Variants in FCHO1 observed in about 807,000 individuals in gnomAD.
The protein encoded by FCHO1 is F-BAR domain only protein 1.
A neutral mutation model predicts 114.4 loss-of-function variants in FCHO1; 45 were observed. That is an observed-to-expected ratio of 0.39 (90% confidence interval 0.31 to 0.50). FCHO1 has a LOEUF of 0.50. Ranked by LOEUF, FCHO1 falls within the 20% of genes least tolerant of loss-of-function variation. FCHO1 has a pLI of 0.77. For missense variants in FCHO1, 1,042 were observed against 1,209.6 expected, an observed-to-expected ratio of 0.86 and a Z score of 2.06; for synonymous variants, 480 against 488.9, an observed-to-expected ratio of 0.98 and a Z score of 0.24.
In FCHO1 at chr19:17,775,979, C is replaced by T; in HGVS notation, c.1004-4C>T. 1 of 1,605,702 alleles carries T rather than the reference C, an allele frequency of 6.2e-7. No homozygotes were observed. The highest frequency in any genetic ancestry group is 8.5e-7 in the Non-Finnish European group (1 of 1,179,510). On this transcript the variant is annotated splice_polypyrimidine_tract_variant and splice_region_variant and intron_variant, in intron 15 of 28. Transcript: ENST00000596536. This position sits in a 1 kb window ranked among gnomAD's most constrained non-coding sequence, Gnocchi z 5.1. ...GATTGGCTTGGACCTTGACTGCAGCCCACGCACGGCCGAGCCCTCCCGTTT... is the reference window on the plus strand; with the variant it reads ...GATTGGCTTGGACCTTGACTGCAGCTCACGCACGGCCGAGCCCTCCCGTTT...
At chr19:17,753,221 C>T (rs1252171880) in intron 1 of FCHO1, among the ~76,000 whole-genome samples, 1 of 152,192 alleles carries the variant, frequency 6.6e-6, no homozygotes, top group Non-Finnish European at 1.5e-5. Flanking sequence ...AGGGCTTTTC[C>T]CCTAGGGATG....
chr19:17,767,584 CAAGA>C (rs1160169911), intron 7 of FCHO1, among the ~76,000 whole-genome samples: 2 of 95,712 alleles, frequency 2.1e-5, no homozygotes, highest in Non-Finnish European at 4.6e-5. Context: ...AAAAAAAAAA[CAAGA>C]GAGAGAGATG....
chr19:17,786,879 C>T (rs2093945846), intron 27 of FCHO1, among the ~76,000 whole-genome samples: 1 of 151,802 alleles, frequency 6.6e-6, no homozygotes. Context: ...GATCGTACCA[C>T]TGCACTCTAG....
chr19:17,770,295 C>G, intron 7 of FCHO1, 130 bp from the exon 8 acceptor site: 1 of 886,506 alleles, frequency 1.1e-6, no homozygotes, highest in Non-Finnish European at 1.6e-6. Flanking sequence ...GAGCGAAACT[C>G]TGTCTAAAAA....
chr19:17,755,086 ACT>A lies in FCHO1; in HGVS notation c.-47-29_-47-28del, dbSNP rs947079164. ...CCCCACCAAGCCCACACTGGCAATG[ACT>A]CTGTAGCTCAAACTTGCCTCTCTCT... On this transcript the variant is annotated intron_variant, in intron 3 of 28. Coordinates refer to ENST00000596536, the MANE Select transcript of FCHO1 (RefSeq NM_015122.3). 3.6e-5 allele frequency: 50 copies of A among 1,392,994 alleles called. No individual in the cohort carries two copies. In the East Asian group the frequency reaches 9.4e-4, roughly 26 times the overall value. The allele number at this position is 1,392,994 out of a possible 1,614,324, so 86.3% of individuals were successfully genotyped here.
intron 27 of FCHO1, among the ~76,000 whole-genome samples, chr19:17,786,943 G>T (rs112328685): frequency 5.7e-4 from 87 of 151,990 alleles, no homozygotes; most frequent in Middle Eastern, 3.4e-3. Flanking sequence ...AACAAAAAAG[G>T]CCAGGTGTGG....
chr19:17,765,067 A>G (rs893512872), intron 6 of FCHO1, among the ~76,000 whole-genome samples: 8 of 138,268 alleles, frequency 5.8e-5, no homozygotes, highest in Non-Finnish European at 8.0e-5. Flanking sequence ...CTCTGTTTTG[A>G]AAAAAAAAAA....
chr19:17,784,984 C>T lies in FCHO1; in HGVS notation c.2426+60C>T. On this transcript the variant is annotated intron_variant, in intron 26 of 28. Coordinates refer to ENST00000596536, the MANE Select transcript of FCHO1 (RefSeq NM_015122.3). This position sits in a 1 kb window ranked among gnomAD's most constrained non-coding sequence, Gnocchi z 5.3. ...AGTTTCCCCCATAACCCCAGACCTTCTCCCTGATGCATTGATTAAAGGGTG... is the reference window on the plus strand; with the variant it reads ...AGTTTCCCCCATAACCCCAGACCTTTTCCCTGATGCATTGATTAAAGGGTG... 1 of 1,530,120 alleles carries T rather than the reference C, an allele frequency of 6.5e-7. No individual in the cohort carries two copies. 94.8% of individuals were successfully genotyped at this position (1,530,120 alleles called of 1,614,324 possible).
At chr19:17,774,499 G>T in intron 13 of FCHO1, 21 bp downstream of exon 13, 21 of 1,603,868 alleles carry the variant, frequency 1.3e-5, no homozygotes, top group Non-Finnish European at 1.8e-5. Flanking sequence ...ACCCCTGCCC[G>T]GTCTGGCCCA....
chr19:17,784,800 G>T lies in FCHO1; in HGVS notation c.2302G>T (p.Val768Phe), dbSNP rs1568375951. 2 of 1,614,108 alleles carry T rather than the reference G, an allele frequency of 1.2e-6. No individual in the cohort carries two copies. Among genetic ancestry groups the T allele is most frequent in the Non-Finnish European group, 1.7e-6 (2 of 1,180,048 alleles). ...HWQCGATLTQ[V>F]SVEYGYRPGA... is the part of the protein sequence containing the mutation. The stretch of plus-strand genomic sequence containing the variant: ...GCAGTGTGGAGCCACCCTCACCCAG[G>T]TCTCAGTGGAGTACGGCTACCGGCC... The change falls in exon 26 of 29, where the codon GTC (valine) becomes TTC (phenylalanine). Residue 768 changes from valine (V) to phenylalanine (F), a missense_variant. Val to Phe is a conservative substitution (Grantham distance 50). Coordinates refer to ENST00000596536, the MANE Select transcript of FCHO1 (RefSeq NM_015122.3). This position sits in a 1 kb window ranked among gnomAD's most constrained non-coding sequence, Gnocchi z 5.3.
chr19:17,787,411 TAAA>T (rs139752878), intron 27 of FCHO1, among the ~76,000 whole-genome samples: 4 of 103,508 alleles, frequency 3.9e-5, no homozygotes, highest in Admixed American at 1.1e-4. Flanking sequence ...ACCCTGTCTC[TAAA>T]AAAAAAAAAA....
chr19:17,755,133 G>T lies in FCHO1; in HGVS notation c.-32G>T. 6.2e-7 allele frequency: 1 copy of T among 1,612,870 alleles called. No homozygotes were observed. The highest frequency in any genetic ancestry group is 8.5e-7 in the Non-Finnish European group (1 of 1,178,968). On this transcript the variant is annotated 5_prime_UTR_variant, in exon 4 of 29. Coordinates refer to ENST00000596536, the MANE Select transcript of FCHO1 (RefSeq NM_015122.3). The stretch of plus-strand genomic sequence containing the variant: ...CTCTCTTCAGACAGGCACTGGACGG[G>T]GCCTGCAGGGGTCTCCACAGAGACC...
intron 6 of FCHO1, among the ~76,000 whole-genome samples, chr19:17,766,078 C>T (rs1050278384): frequency 4.6e-5 from 7 of 151,054 alleles, no homozygotes; most frequent in African/African-American, 7.3e-5. Flanking sequence ...TTAGTAGAGA[C>T]GGGGTTTCAC....
chr19:17,754,698 C>T lies in FCHO1; in HGVS notation c.-48+17C>T, dbSNP rs1207278336. On this transcript the variant is annotated intron_variant, in intron 3 of 28. Transcript: ENST00000596536. ...GTGATCTTGGCAAGTGACTTCCCCT[C>T]TGGGGGAGGGGAGGGCTCAGTTTTC... 1.2e-5 allele frequency: 2 copies of T among 164,516 alleles called. No homozygotes were observed. Among genetic ancestry groups the T allele is most frequent in the Non-Finnish European group, 2.7e-5 (2 of 74,802 alleles). 10.2% of individuals were successfully genotyped at this position (164,516 alleles called of 1,614,324 possible). A position where few individuals can be genotyped will look rare whatever the true frequency, so the allele number is the denominator to read the frequency against.
intron 21 of FCHO1, 43 bp downstream of exon 21, chr19:17,781,386 C>T (rs1405165967): frequency 1.2e-6 from 2 of 1,609,124 alleles, no homozygotes; most frequent in African/African-American, 1.3e-5. Flanking sequence ...GGGGTCGCGT[C>T]TGGGGTCCGC....
In FCHO1 at chr19:17,762,870, C is replaced by G; in HGVS notation, c.119+17C>G. 6.3e-7 allele frequency: 1 copy of G among 1,575,794 alleles called. No homozygotes were observed. The highest frequency in any genetic ancestry group is 1.1e-5 in the South Asian group (1 of 90,332). On this transcript the variant is annotated intron_variant, in intron 5 of 28. Coordinates refer to ENST00000596536, the MANE Select transcript of FCHO1 (RefSeq NM_015122.3). ...CCGGGAGAGGTGAGGTCCCCAAGCC[C>G]CATCCACCAGAGGCCACGCCCACCA...
chr19:17,781,707 C>G lies in FCHO1; in HGVS notation c.1829-5C>G, dbSNP rs2093428139. ...TGTTCCCCATTCCCTCTCCACCACC[C>G]CCAGGAGTCTCCCGGGGTCCGAGCC... On this transcript the variant is annotated splice_region_variant and splice_polypyrimidine_tract_variant and intron_variant, in intron 22 of 28. Transcript: ENST00000596536. 1 of 1,598,306 alleles carries G rather than the reference C, an allele frequency of 6.3e-7. No individual in the cohort carries two copies. Among genetic ancestry groups the G allele is most frequent in the Non-Finnish European group, 8.5e-7 (1 of 1,171,826 alleles).
intron 7 of FCHO1, among the ~76,000 whole-genome samples, chr19:17,767,672 A>C (rs2146818628): frequency 6.6e-6 from 1 of 152,292 alleles, no homozygotes; most frequent in Non-Finnish European, 1.5e-5. Flanking sequence ...ACCACATGTG[A>C]AAATTGTATG....
At chr19:17,765,989 C>T (rs537545461) in intron 6 of FCHO1, among the ~76,000 whole-genome samples, 2 of 142,962 alleles carry the variant, frequency 1.4e-5, no homozygotes, top group East Asian at 4.3e-4. Context: ...CCTGGGTTCA[C>T]GCCATTCTCC....
Sources: gnomAD v4.1 joint callset for allele counts (sites outside exome capture counted in the v4.1 genomes callset) on GRCh38, gnomAD v4.1.1 for gene constraint, Gnocchi (gnomAD v3.1) non-coding constraint, MANE v1.5 for transcripts, NCBI Gene and HGNC (gene_info 2026-07-23, HGNC 2026-07-21) for gene names.